The following CLASP1 variants were observed in gnomAD, a reference collection of about 807,000 sequenced individuals.
The protein encoded by CLASP1 is CLIP-associating protein 1.
CLASP1 carries 38 observed loss-of-function variants against 192.3 expected under a neutral mutation model. The observed-to-expected ratio is 0.20, with a 90% CI of 0.15 to 0.26. The LOEUF is 0.26. Among genes scored for constraint, CLASP1 ranks in the 10% least tolerant of loss-of-function variants. CLASP1 has a pLI of 1.00. For missense variants in CLASP1, 1,433 were observed against 1,932.5 expected (o/e 0.74, Z 4.85); for synonymous variants, 691 against 712.8 (o/e 0.97, Z 0.49).
intron 32 of CLASP1, among the ~76,000 whole-genome samples, chr2:121,383,172 G>A (rs2072179180): frequency 6.6e-6 from 1 of 152,184 alleles, no homozygotes. Flanking sequence ...TGGTGATGTG[G>A]GGTAAGGCCA....
chr2:121,363,551 G>A (rs915165992), intron 36 of CLASP1, among the ~76,000 whole-genome samples: 11 of 152,212 alleles, frequency 7.2e-5, no homozygotes, highest in South Asian at 4.1e-4. Flanking sequence ...GACAGGCACT[G>A]AGAAAAGCTA....
chr2:121,539,660 A>G (rs527862458), intron 2 of CLASP1, among the ~76,000 whole-genome samples: 2 of 152,308 alleles, frequency 1.3e-5, no homozygotes, highest in South Asian at 2.1e-4. Flanking sequence ...GAACTTTGGC[A>G]TATCAAAACC....
At chr2:121,384,101 T>C (rs1383841737) in intron 32 of CLASP1, among the ~76,000 whole-genome samples, 6 of 134,774 alleles carry the variant, frequency 4.5e-5, no homozygotes, top group African/African-American at 1.4e-4. Flanking sequence ...TATACACACA[T>C]ATATATGTAT....
intron 2 of CLASP1, among the ~76,000 whole-genome samples, chr2:121,558,116 G>T (rs1209585453): frequency 1.3e-5 from 2 of 151,768 alleles, no homozygotes; most frequent in African/African-American, 2.4e-5. Context: ...CCTATTATGT[G>T]TATTTACTTA....
At position 121,397,296 on chromosome 2, in the gene CLASP1, A is replaced by T. The variant is rs768861398; in HGVS notation, c.2980-13T>A. ...TTGCAACTTTGACCTGAAAGAACCA[A>T]TAATTATAAACATTAAGTACACTTG... On this transcript the variant is annotated splice_polypyrimidine_tract_variant and intron_variant, in intron 29 of 39. Transcript: ENST00000263710. The T allele has an allele frequency of 7.5e-6, 12 of 1,610,416 alleles. No individual in the cohort carries two copies. The highest frequency in any genetic ancestry group is 1.3e-5 in the African/African-American group (1 of 74,882).
At chr2:121,611,997 G>C (rs573700832) in intron 1 of CLASP1, among the ~76,000 whole-genome samples, 3 of 151,134 alleles carry the variant, frequency 2.0e-5, no homozygotes, top group African/African-American at 7.3e-5. Context: ...TGGAACTGGA[G>C]GAGGAGGAGA....
At chr2:121,530,376 G>A in intron 2 of CLASP1, 51 bp from the exon 3 acceptor site, 1 of 1,441,680 alleles carries the variant, frequency 6.9e-7, no homozygotes, top group Non-Finnish European at 9.5e-7. Context: ...GCGGGGCAGC[G>A]CTCCCGCCCA....
chr2:121,500,590 G>A (rs992484747), intron 8 of CLASP1, among the ~76,000 whole-genome samples: 57 of 152,070 alleles, frequency 3.7e-4, no homozygotes, highest in African/African-American at 1.3e-3. Flanking sequence ...GTTTCTCTAT[G>A]CCATCTAAAT....
intron 1 of CLASP1, among the ~76,000 whole-genome samples, chr2:121,648,698 GAAC>G (rs1392478395): frequency 6.6e-6 from 1 of 152,176 alleles, no homozygotes; most frequent in Non-Finnish European, 1.5e-5. Flanking sequence ...CAATACCAAA[GAAC>G]AACAAAGGCA....
At chr2:121,419,462 C>G (rs1329281585) in intron 22 of CLASP1, among the ~76,000 whole-genome samples, 1 of 152,168 alleles carries the variant, frequency 6.6e-6, no homozygotes, top group African/African-American at 2.4e-5. Flanking sequence ...CTACCAAGCA[C>G]CACCACTGAC....
chr2:121,424,808 CAGTAAA>C (rs948030323), intron 22 of CLASP1, among the ~76,000 whole-genome samples: 4 of 152,252 alleles, frequency 2.6e-5, no homozygotes, highest in African/African-American at 9.6e-5. Context: ...TAGTGCTAAT[CAGTAAA>C]AGGAAAATGA....
intron 7 of CLASP1, among the ~76,000 whole-genome samples, chr2:121,509,856 T>A (rs1378416421): frequency 2.0e-5 from 3 of 151,742 alleles, no homozygotes; most frequent in African/African-American, 7.3e-5. Flanking sequence ...GTTTTTAATT[T>A]AAAAAAAAGA....
intron 22 of CLASP1, among the ~76,000 whole-genome samples, chr2:121,419,548 G>A (rs6729454): frequency 1.3e-5 from 2 of 151,928 alleles, no homozygotes; most frequent in Non-Finnish European, 2.9e-5. Flanking sequence ...CCACTGACCT[G>A]AGAACAGCAA....
chr2:121,459,961 G>C lies in CLASP1; in HGVS notation c.1178+19C>G. The stretch of plus-strand genomic sequence containing the variant: ...TGACACTATTTTATGGTGAGAATAT[G>C]GAGCATCGCAGTCCTTACCCCAACG... On this transcript the variant is annotated intron_variant, in intron 12 of 39. Coordinates refer to ENST00000263710, the Ensembl canonical transcript of CLASP1. 1 of 1,600,920 alleles carries C rather than the reference G, an allele frequency of 6.2e-7. No homozygotes were observed. Among genetic ancestry groups the C allele is most frequent in the Non-Finnish European group, 8.5e-7 (1 of 1,173,844 alleles).
At chr2:121,502,893 A>G (rs1311220293) in intron 8 of CLASP1, among the ~76,000 whole-genome samples, 2 of 152,224 alleles carry the variant, frequency 1.3e-5, no homozygotes, top group Non-Finnish European at 2.9e-5. Flanking sequence ...TGCTAGGAAG[A>G]CAGCAGCAGT....
At chr2:121,479,031 C>CA (rs2092344108) in intron 8 of CLASP1, among the ~76,000 whole-genome samples, 2 of 65,514 alleles carry the variant, frequency 3.1e-5, no homozygotes, top group South Asian at 5.4e-4. Flanking sequence ...CACACACACA[C>CA]CCCACACACA....
exon 35 of CLASP1, chr2:121,367,711 C>T (rs367574144): frequency 1.1e-5 from 18 of 1,613,852 alleles, no homozygotes; most frequent in South Asian, 2.2e-5. Flanking sequence ...CCCGGGAAGG[C>T]GCGCGGAGGC....
At chr2:121,537,209 TG>T (rs1367954164) in intron 2 of CLASP1, among the ~76,000 whole-genome samples, 2 of 151,862 alleles carry the variant, frequency 1.3e-5, no homozygotes, top group African/African-American at 4.8e-5. Context: ...CTTAGCAACA[TG>T]GCAAAATCCT....
chr2:121,505,268 C>G (rs539360767), intron 7 of CLASP1: 1 of 152,114 alleles, frequency 6.6e-6, no homozygotes, highest in Non-Finnish European at 1.5e-5. Flanking sequence ...TAATTGTGTA[C>G]GAGTCTGCAG....
Sources: gnomAD v4.1 joint callset for allele counts (sites outside exome capture counted in the v4.1 genomes callset) on GRCh38, gnomAD v4.1.1 for gene constraint, MANE v1.5 for transcripts, NCBI Gene and HGNC (gene_info 2026-07-23, HGNC 2026-07-21) for gene names.